ARHGAP10: variants seen among roughly 807,000 people sequenced by gnomAD.
The protein encoded by ARHGAP10 is rho GTPase-activating protein 10.
Under a neutral mutation model 108.6 loss-of-function variants are expected in ARHGAP10, and 87 were observed. The observed-to-expected ratio is 0.80, with a 90% confidence interval of 0.67 to 0.96. The LOEUF (loss-of-function observed/expected upper bound fraction) is 0.96. ARHGAP10 is among the 40% of genes least tolerant of loss of function. ARHGAP10 has a pLI of 0.00. For synonymous variants in ARHGAP10, 347 were observed against 341.1 expected (o/e 1.02, Z -0.19); for missense variants, 939 against 954.5 (o/e 0.98, Z 0.21).
At chr4:147,844,731 C>A (rs182818527) in intron 3 of ARHGAP10, among the ~76,000 whole-genome samples, 10 of 152,338 alleles carry the variant, frequency 6.6e-5, no homozygotes, top group Admixed American at 6.5e-4. Flanking sequence ...TCTCTCAAAT[C>A]TGTCTACTTG....
At chr4:147,858,405 C>A (rs922529696) in intron 5 of ARHGAP10, 4 of 151,986 alleles carry the variant, frequency 2.6e-5, no homozygotes, top group African/African-American at 9.7e-5. Flanking sequence ...CTGTCATAAA[C>A]ACTTATTGAA....
At position 148,023,292 on chromosome 4, in the gene ARHGAP10, C is replaced by T. The variant is rs762331139; in HGVS notation, c.1746C>T (p.Phe582=). The T allele has an allele frequency of 6.2e-7, 1 of 1,614,162 alleles. No homozygotes were observed. Among genetic ancestry groups the T allele is most frequent in the Non-Finnish European group, 8.5e-7 (1 of 1,180,014 alleles). ...TTCGGACGCCGCCCGATACTACATT[C>T]CCTGAGCCCACCTGCCTGTCAGCAT... ...KIFRTPPDTT[F]PEPTCLSASP... is the part of the protein sequence containing the mutation. Residue 582 remains phenylalanine (F), a synonymous_variant, in exon 19 of 23, where the codon TTC becomes TTT. Coordinates refer to ENST00000336498, the MANE Select transcript of ARHGAP10 (RefSeq NM_024605.4).
intron 3 of ARHGAP10, among the ~76,000 whole-genome samples, chr4:147,842,729 T>C (rs1049374721): frequency 6.6e-6 from 1 of 152,152 alleles, no homozygotes; most frequent in Non-Finnish European, 1.5e-5. Flanking sequence ...CCTCCTCTGC[T>C]CCCCAGAAGC....
intron 1 of ARHGAP10, among the ~76,000 whole-genome samples, chr4:147,735,208 T>C (rs1380441607): frequency 1.3e-5 from 2 of 152,242 alleles, no homozygotes; most frequent in Non-Finnish European, 2.9e-5. Flanking sequence ...CCCTTGCCCT[T>C]GAGTTTACTG....
intron 18 of ARHGAP10, among the ~76,000 whole-genome samples, chr4:148,002,355 G>T (rs1214001238): frequency 2.0e-5 from 3 of 152,162 alleles, no homozygotes; most frequent in African/African-American, 7.2e-5. Flanking sequence ...GTTCATCAGG[G>T]ATATTGGTCT....
intron 12 of ARHGAP10, among the ~76,000 whole-genome samples, 159 bp downstream of exon 12, chr4:147,909,936 T>G (rs921001182): frequency 2.0e-5 from 3 of 152,176 alleles, no homozygotes; most frequent in African/African-American, 7.2e-5. Flanking sequence ...GTGTTCTGTT[T>G]TACTCAACGG....
intron 13 of ARHGAP10, among the ~76,000 whole-genome samples, chr4:147,916,096 C>A (rs1031760175): frequency 6.6e-6 from 1 of 152,162 alleles, no homozygotes; most frequent in Non-Finnish European, 1.5e-5. Context: ...TGGTAAATAG[C>A]ATTAATAACT....
Position 148,005,557 on chromosome 4 carries a change from G to A in ARHGAP10, c.1717-17706G>A, listed in dbSNP as rs112863885. Reference sequence around the variant, plus strand: ...AAGCCAACTAAATGGCTATTAAAATGTATATTAAAAAACAAATATTCTAGT... The same window carrying A: ...AAGCCAACTAAATGGCTATTAAAATATATATTAAAAAACAAATATTCTAGT... On this transcript the variant is annotated intron_variant, in intron 18 of 22. Transcript: ENST00000336498. 4.6e-5 allele frequency among the ~76,000 whole-genome samples: 7 copies of A among 152,248 alleles called. 2 individuals are homozygous for A. Among genetic ancestry groups the A allele is most frequent in the African/African-American group, 1.7e-4 (7 of 41,546 alleles).
chr4:148,003,128 T>A (rs1740797635), intron 18 of ARHGAP10, among the ~76,000 whole-genome samples: 1 of 152,240 alleles, frequency 6.6e-6, no homozygotes, highest in African/African-American at 2.4e-5. Context: ...TTGTTCTCAT[T>A]GGTTTCAAAG....
rs1428509070 is a variant in ARHGAP10 at position 147,806,066 on chromosome 4, GTTTATA to G, written c.155-16655_155-16650del. On this transcript the variant is annotated intron_variant, in intron 1 of 22. Coordinates refer to ENST00000336498, the MANE Select transcript of ARHGAP10 (RefSeq NM_024605.4). ...ATAAAATCCATACTTTAAGCCTTTT[GTTTATA>G]TTTATTTAACTCACAAGAACTACCA... 5.9e-5 allele frequency among the ~76,000 whole-genome samples: 9 copies of G among 152,092 alleles called. No individual in the cohort carries two copies. In the South Asian group the frequency reaches 1.2e-3, roughly 21 times the overall value.
chr4:148,006,730 C>T (rs1184497265), intron 18 of ARHGAP10, among the ~76,000 whole-genome samples: 1 of 152,198 alleles, frequency 6.6e-6, no homozygotes, highest in East Asian at 1.9e-4. Context: ...ATGTTATCTG[C>T]ATCTTTTCAT....
At chr4:147,840,308 A>AT (rs898104534) in intron 3 of ARHGAP10, among the ~76,000 whole-genome samples, 4 of 151,910 alleles carry the variant, frequency 2.6e-5, no homozygotes, top group Admixed American at 6.6e-5. Context: ...AATCAGAATG[A>AT]TTTTTTTTCT....
intron 3 of ARHGAP10, among the ~76,000 whole-genome samples, chr4:147,825,699 A>G (rs1052322526): frequency 6.6e-6 from 1 of 152,202 alleles, no homozygotes; most frequent in African/African-American, 2.4e-5. Flanking sequence ...TAGTGCCATG[A>G]CATCACCTTT....
At chr4:147,832,139 C>T (rs1398930033) in intron 3 of ARHGAP10, among the ~76,000 whole-genome samples, 1 of 152,060 alleles carries the variant, frequency 6.6e-6, no homozygotes, top group African/African-American at 2.4e-5. Context: ...ATGTAACCAG[C>T]CCATTTAATT....
chr4:147,770,340 C>G (rs1044865591), intron 1 of ARHGAP10, among the ~76,000 whole-genome samples: 2 of 152,136 alleles, frequency 1.3e-5, no homozygotes, highest in Non-Finnish European at 2.9e-5. Context: ...GCCTGGCCAA[C>G]ATGGTGAAAC....
intron 10 of ARHGAP10, among the ~76,000 whole-genome samples, chr4:147,889,211 T>G (rs546993339): frequency 2.4e-4 from 36 of 152,368 alleles, no homozygotes; most frequent in Non-Finnish European, 5.1e-4. Context: ...GTCTTCATTC[T>G]GCTTCAAGAA....
At chr4:147,817,529 C>T (rs898418756) in intron 1 of ARHGAP10, among the ~76,000 whole-genome samples, 6 of 152,208 alleles carry the variant, frequency 3.9e-5, no homozygotes, top group African/African-American at 4.8e-5. Flanking sequence ...GAATTCAAAA[C>T]GAGGTTGGCT....
chr4:147,758,758 C>T (rs1041008102), intron 1 of ARHGAP10, among the ~76,000 whole-genome samples: 1 of 151,700 alleles, frequency 6.6e-6, no homozygotes, highest in Non-Finnish European at 1.5e-5. Flanking sequence ...GCAGGAGGAT[C>T]ACTTGAGGTC....
chr4:147,914,420 G>C (rs2635269), intron 13 of ARHGAP10, among the ~76,000 whole-genome samples: 139,759 of 151,994 alleles, frequency 0.92, 64,357 homozygotes, highest in South Asian at 0.96. Context: ...TGTGGTGGTG[G>C]AGCCATAGCT....
Sources: allele counts gnomAD v4.1 joint callset (sites outside exome capture counted in the v4.1 genomes callset), GRCh38; gene constraint gnomAD v4.1.1; transcripts MANE v1.5; gene names NCBI Gene and HGNC (gene_info 2026-07-23, HGNC 2026-07-21).